The following UGGT1 variants were observed in gnomAD, a reference collection of about 807,000 sequenced individuals.
UGGT1 encodes the protein UDP-glucose glycoprotein glucosyltransferase 1.
A neutral mutation model predicts 203.9 loss-of-function variants in UGGT1; 107 were observed. The observed-to-expected ratio is 0.52, with a 90% CI of 0.45 to 0.62. The LOEUF is 0.62. Among genes scored for constraint, UGGT1 ranks in the 20% least tolerant of loss-of-function variants. The pLI is 0.00. For missense variants in UGGT1, 1,673 were observed against 1,867.2 expected, an observed-to-expected ratio of 0.90 and a Z score of 1.92; for synonymous variants, 628 against 653.5, an observed-to-expected ratio of 0.96 and a Z score of 0.59.
At chr2:128,124,848 T>C (rs1202029852) in intron 11 of UGGT1, among the ~76,000 whole-genome samples, 1 of 152,214 alleles carries the variant, frequency 6.6e-6, no homozygotes, top group African/African-American at 2.4e-5. Context: ...CTGCAAAGTC[T>C]GTTTCCTCTT....
chr2:128,183,691 G>T lies in UGGT1; in HGVS notation c.4261G>T (p.Asp1421Tyr). The T allele has an allele frequency of 6.2e-7, 1 of 1,613,854 alleles. No individual in the cohort carries two copies. The highest frequency in any genetic ancestry group is 8.5e-7 in the Non-Finnish European group (1 of 1,179,832). ...TTTATTCAGTGCACTATATGTTGTG[G>T]ATCTGAAGAAGTTTAGGAAAATAGC... The part of the protein sequence containing the change: ...KYHISALYVV[D>Y]LKKFRKIAAG... The change falls in exon 38 of 41, where the codon GAT (aspartate) becomes TAT (tyrosine). Residue 1421 changes from aspartate to tyrosine, a missense_variant. Transcript: ENST00000259253.
intron 7 of UGGT1, among the ~76,000 whole-genome samples, chr2:128,115,503 A>C (rs1039083819): frequency 1.2e-4 from 17 of 140,266 alleles, no homozygotes; most frequent in African/African-American, 2.1e-4. Flanking sequence ...AAAAAAAAAA[A>C]AACAAAAACC....
At chr2:128,150,577 CTG>C (rs1250730351) in intron 18 of UGGT1, among the ~76,000 whole-genome samples, 8 of 150,922 alleles carry the variant, frequency 5.3e-5, no homozygotes, top group African/African-American at 1.5e-4. Flanking sequence ...GTGTGTGTGT[CTG>C]TGTGTGCACG....
chr2:128,145,376 A>G (rs570048301), intron 17 of UGGT1, among the ~76,000 whole-genome samples: 1 of 152,330 alleles, frequency 6.6e-6, no homozygotes, highest in Admixed American at 6.5e-5. Flanking sequence ...GTTAGTGACT[A>G]CTGCATTGGA....
At chr2:128,174,649 G>A in intron 30 of UGGT1, 124 bp from the exon 31 acceptor site, 2 of 873,110 alleles carry the variant, frequency 2.3e-6, no homozygotes, top group Middle Eastern at 2.7e-4. Context: ...GAGTTGCATT[G>A]ATTTGTTTAC....
chr2:128,158,772 G>T (rs1343548587), intron 22 of UGGT1, among the ~76,000 whole-genome samples: 4 of 152,146 alleles, frequency 2.6e-5, no homozygotes. Context: ...CTTCCACTTG[G>T]ATTCTTGTCT....
intron 8 of UGGT1, among the ~76,000 whole-genome samples, chr2:128,117,463 A>G (rs114499559): frequency 0.015 from 2,311 of 152,288 alleles, 38 homozygotes; most frequent in Admixed American, 0.025. Context: ...TAATTATGTA[A>G]TCATTTAATG....
intron 1 of UGGT1, among the ~76,000 whole-genome samples, chr2:128,092,601 C>A (rs369644362): frequency 1.7e-5 from 1 of 57,274 alleles, no homozygotes; most frequent in Non-Finnish European, 4.0e-5. Context: ...TTCTTTCTTT[C>A]TTTCTTTTTT....
intron 25 of UGGT1, among the ~76,000 whole-genome samples, chr2:128,163,050 G>T (rs946610859): frequency 6.6e-6 from 1 of 152,166 alleles, no homozygotes; most frequent in African/African-American, 2.4e-5. Flanking sequence ...CCCCAAGGCT[G>T]CCCTGAAGCT....
At chr2:128,175,774 C>T (rs1691339074) in intron 31 of UGGT1, among the ~76,000 whole-genome samples, 1 of 152,014 alleles carries the variant, frequency 6.6e-6, no homozygotes, top group Non-Finnish European at 1.5e-5. Flanking sequence ...GCATGGTGCC[C>T]CCTCTTCCTA....
intron 20 of UGGT1, 66 bp downstream of exon 20, chr2:128,155,653 T>A: frequency 8.0e-7 from 1 of 1,247,674 alleles, no homozygotes; most frequent in Non-Finnish European, 1.1e-6. Context: ...ATATTCATCT[T>A]AATGTGCAAA....
Position 128,113,353 on chromosome 2 carries a change from C to G in UGGT1, c.696+95C>G, listed in dbSNP as rs1018426608. ...ATAATCTCCCTCTTTATAAAAAAAT[C>G]TAGTTATTTGAATCCCTTTTTTGAC... On this transcript the variant is annotated intron_variant, in intron 6 of 40. Transcript: ENST00000259253. The G allele has an allele frequency of 1.2e-5, 13 of 1,072,030 alleles. No individual in the cohort carries two copies. The East Asian group carries it at 1.5e-4, about 12-fold the overall frequency. 66.4% of individuals were successfully genotyped at this position (1,072,030 alleles called of 1,614,324 possible).
At chr2:128,112,955 A>G in intron 5 of UGGT1, 129 bp from the exon 6 acceptor site, 2 of 800,592 alleles carry the variant, frequency 2.5e-6, no homozygotes, top group Non-Finnish European at 3.6e-6. Context: ...ATTTAAGATC[A>G]TGCTACCCTT....
Position 128,115,238 on chromosome 2 carries a change from G to T in UGGT1, c.793+18G>T. On this transcript the variant is annotated intron_variant, in intron 7 of 40. Coordinates refer to ENST00000259253, the MANE Select transcript of UGGT1 (RefSeq NM_020120.4). ...GGTGAAAGGTGAATTTGTAAAAATG[G>T]GACCAGTGTGCTTTCTTCAAATATG... 1 of 1,603,800 alleles carries T rather than the reference G, an allele frequency of 6.2e-7. No individual in the cohort carries two copies. The highest frequency in any genetic ancestry group is 8.5e-7 in the Non-Finnish European group (1 of 1,171,170).
At chr2:128,180,749 G>T in intron 35 of UGGT1, 141 bp from the exon 36 acceptor site, 1 of 762,284 alleles carries the variant, frequency 1.3e-6, no homozygotes, top group Non-Finnish European at 2.1e-6. Flanking sequence ...GTCATGAGTG[G>T]GTCACGGCCG....
At chr2:128,173,495 T>C (rs1691218879) in intron 29 of UGGT1, among the ~76,000 whole-genome samples, 1 of 152,198 alleles carries the variant, frequency 6.6e-6, no homozygotes, top group Admixed American at 6.5e-5. Flanking sequence ...GTTTTTATAA[T>C]TGTATACAGT....
Position 128,152,923 on chromosome 2 carries a change from A to G in UGGT1, c.2137+19A>G, listed in dbSNP as rs772351891. 1.2e-6 allele frequency: 2 copies of G among 1,607,782 alleles called. No individual in the cohort carries two copies. The highest frequency in any genetic ancestry group is 1.1e-5 in the South Asian group (1 of 89,610). On this transcript the variant is annotated intron_variant, in intron 19 of 40. Transcript: ENST00000259253. ...GCGAGTAGTAAGGAGCATTTCAGGA[A>G]CAACCTTATGCTTTTTTTGACTTGT...
chr2:128,129,906 A>G (rs545751957), intron 13 of UGGT1, among the ~76,000 whole-genome samples: 1 of 152,296 alleles, frequency 6.6e-6, no homozygotes, highest in South Asian at 2.1e-4. Flanking sequence ...TGAAGGATTT[A>G]TATAGACTTT....
intron 35 of UGGT1, 115 bp from the exon 36 acceptor site, chr2:128,180,775 C>G (rs1691655486): frequency 9.0e-7 from 1 of 1,105,248 alleles, no homozygotes; most frequent in Admixed American, 2.7e-5. Context: ...TGTAAGACCA[C>G]TGTTTTGGTA....
Sources: gnomAD v4.1 joint callset for allele counts (sites outside exome capture counted in the v4.1 genomes callset) on GRCh38, gnomAD v4.1.1 for gene constraint, MANE v1.5 for transcripts, NCBI Gene and HGNC (gene_info 2026-07-23, HGNC 2026-07-21) for gene names.